Variants in ARHGAP18 observed in about 807,000 individuals in gnomAD.
The protein encoded by ARHGAP18 is rho GTPase-activating protein 18.
In ARHGAP18, 67 loss-of-function variants were observed where a neutral mutation model predicts 86.2. That is an observed-to-expected ratio of 0.78 (90% confidence interval 0.64 to 0.95). ARHGAP18 has a LOEUF of 0.95. ARHGAP18 is among the 40% of genes least tolerant of loss of function. The probability of loss-of-function intolerance (pLI) is 0.00; values close to 1 mark genes in which losing one functional copy is unlikely to be tolerated. For synonymous variants in ARHGAP18, 283 were observed against 280.4 expected (o/e 1.01, Z -0.09); for missense variants, 691 against 780.4 (o/e 0.89, Z 1.37).
At chr6:129,645,827 C>T (rs1185124302) in intron 1 of ARHGAP18, among the ~76,000 whole-genome samples, 1 of 152,136 alleles carries the variant, frequency 6.6e-6, no homozygotes, top group Non-Finnish European at 1.5e-5. Flanking sequence ...ATGGGCCTTC[C>T]TGGAATCTTC....
intron 7 of ARHGAP18, among the ~76,000 whole-genome samples, chr6:129,612,048 G>C (rs901498764): frequency 6.6e-6 from 1 of 152,144 alleles, no homozygotes; most frequent in Non-Finnish European, 1.5e-5. Context: ...GCAGAAAAAA[G>C]ACTGTTTGCA....
intron 12 of ARHGAP18, among the ~76,000 whole-genome samples, chr6:129,586,851 G>A (rs75913649): frequency 0.024 from 3,585 of 151,996 alleles, 75 homozygotes; most frequent in African/African-American, 0.051. Flanking sequence ...CTTTGTGTAC[G>A]TTCTACTCCC....
chr6:129,652,398 A>C (rs1773734166), intron 1 of ARHGAP18, among the ~76,000 whole-genome samples: 1 of 152,182 alleles, frequency 6.6e-6, no homozygotes, highest in Admixed American at 6.5e-5. Flanking sequence ...TCACCTTTTC[A>C]GTTTCAAAGC....
At chr6:129,625,607 T>TA (rs374778376) in intron 5 of ARHGAP18, among the ~76,000 whole-genome samples, 1 of 39,360 alleles carries the variant, frequency 2.5e-5, no homozygotes, top group Admixed American at 4.8e-4. Context: ...ATATTATATA[T>TA]TATTATATAT....
intron 7 of ARHGAP18, among the ~76,000 whole-genome samples, chr6:129,612,297 A>T (rs1788996334): frequency 6.6e-6 from 1 of 152,176 alleles, no homozygotes; most frequent in Admixed American, 6.5e-5. Flanking sequence ...TGATAACGTG[A>T]TCTTCTTGGA....
intron 1 of ARHGAP18, among the ~76,000 whole-genome samples, chr6:129,702,055 A>G (rs774864902): frequency 6.6e-6 from 1 of 152,222 alleles, no homozygotes; most frequent in South Asian, 2.1e-4. Flanking sequence ...CTCATTTCCC[A>G]TAAGGAAACC....
At chr6:129,609,232 G>T (rs557593234) in intron 8 of ARHGAP18, among the ~76,000 whole-genome samples, 3 of 152,010 alleles carry the variant, frequency 2.0e-5, no homozygotes, top group Non-Finnish European at 4.4e-5. Context: ...GGGCCAGGGG[G>T]AAAAGAGACA....
chr6:129,583,879 C>T, intron 13 of ARHGAP18, 109 bp downstream of exon 13: 1 of 1,399,406 alleles, frequency 7.1e-7, no homozygotes, highest in East Asian at 2.4e-5. Context: ...CATACTACCC[C>T]ACAATTAAAA....
Position 129,584,386 on chromosome 6 carries a change from G to T in ARHGAP18, c.1714-274C>A, listed in dbSNP as rs1299022340. 2.0e-5 allele frequency among the ~76,000 whole-genome samples: 3 copies of T among 152,158 alleles called. No individual in the cohort carries two copies. In the East Asian group the frequency reaches 5.8e-4, roughly 29 times the overall value. On this transcript the variant is annotated intron_variant, in intron 12 of 14. Transcript: ENST00000368149. ...AATAACCATTACTGCCATATTAAGT[G>T]CTGATTTCTGAGTATTATCTACTAG...
intron 1 of ARHGAP18, among the ~76,000 whole-genome samples, chr6:129,651,600 A>G (rs1278406475): frequency 6.6e-6 from 1 of 151,852 alleles, no homozygotes; most frequent in Admixed American, 6.6e-5. Context: ...GGCCCAGACA[A>G]CTCTTTCCAG....
intron 5 of ARHGAP18, among the ~76,000 whole-genome samples, chr6:129,622,190 T>TG (rs1396404171): frequency 6.6e-6 from 1 of 152,166 alleles, no homozygotes; most frequent in African/African-American, 2.4e-5. Context: ...GGAGGGCCAT[T>TG]GGCTTCGTGT....
intron 5 of ARHGAP18, among the ~76,000 whole-genome samples, chr6:129,620,177 A>G (rs549587088): frequency 2.0e-5 from 3 of 152,160 alleles, no homozygotes; most frequent in Non-Finnish European, 4.4e-5. Context: ...CCCAAGTCTA[A>G]ACACAAAATT....
Position 129,618,644 on chromosome 6 carries a change from C to T in ARHGAP18, c.952+43G>A, listed in dbSNP as rs756636500. 2.0e-5 allele frequency: 30 copies of T among 1,532,128 alleles called. No homozygotes were observed. The Admixed American group carries it at 3.5e-4, about 18-fold the overall frequency. The allele number at this position is 1,532,128 out of a possible 1,614,324, so 94.9% of individuals were successfully genotyped here. ...TGCAAAAAAGCCAAGTCCATCCTTGCTATTTTAGAAATAAATCCAAGGGTT... is the reference window on the plus strand; with the variant it reads ...TGCAAAAAAGCCAAGTCCATCCTTGTTATTTTAGAAATAAATCCAAGGGTT... On this transcript the variant is annotated intron_variant, in intron 6 of 14. Transcript: ENST00000368149.
chr6:129,688,604 C>T (rs533496415), intron 1 of ARHGAP18, among the ~76,000 whole-genome samples: 3 of 152,074 alleles, frequency 2.0e-5, no homozygotes, highest in Admixed American at 6.5e-5. Flanking sequence ...ACCAGCCTGA[C>T]CAACATGGTG....
intron 1 of ARHGAP18, among the ~76,000 whole-genome samples, chr6:129,686,978 C>CTTTTTTTTTTTTTTTTTTTTTTTTTT (rs71028176): frequency 9.4e-6 from 1 of 106,940 alleles, no homozygotes. Context: ...TTTTTTTTTT[C>CTTTTTTTTTTTTTTTTTTTTTTTTTT]TTTTTTTTTT....
intron 1 of ARHGAP18, among the ~76,000 whole-genome samples, chr6:129,703,067 C>A (rs2114557565): frequency 6.6e-6 from 1 of 152,186 alleles, no homozygotes; most frequent in South Asian, 2.1e-4. Flanking sequence ...ATGGACCTCA[C>A]AGATTCATGA....
chr6:129,585,517 T>C (rs1788379556), intron 12 of ARHGAP18, among the ~76,000 whole-genome samples: 1 of 151,904 alleles, frequency 6.6e-6, no homozygotes, highest in African/African-American at 2.4e-5. Context: ...GTACAGTGAG[T>C]ATGGGATTGT....
chr6:129,629,414 T>C lies in ARHGAP18; in HGVS notation c.725A>G (p.Asn242Ser), dbSNP rs558829279. 1.3e-5 allele frequency: 21 copies of C among 1,613,856 alleles called. No homozygotes were observed. The highest frequency in any genetic ancestry group is 1.6e-4 in the Middle Eastern group (1 of 6,068). The change falls in exon 5 of 15, where the codon AAT (asparagine) becomes AGT (serine). Residue 242 changes from asparagine (N) to serine (S), a missense_variant. Coordinates refer to ENST00000368149, the MANE Select transcript of ARHGAP18 (RefSeq NM_033515.3). ...LEVSFAEQALNQKESSKEKIQ... is the reference protein window; with the variant it reads ...LEVSFAEQALSQKESSKEKIQ... ...TTTCTCCTTGGAGCTCTCTTTCTGA[T>C]TGAGTGCTTGCTCGGCAAATGATAC...
intron 7 of ARHGAP18, among the ~76,000 whole-genome samples, chr6:129,613,409 T>C (rs1789024962): frequency 6.6e-6 from 1 of 152,296 alleles, no homozygotes; most frequent in Middle Eastern, 3.4e-3. Flanking sequence ...ATTCAATGTA[T>C]AGCCAATTTT....
Sources: allele counts gnomAD v4.1 joint callset (sites outside exome capture counted in the v4.1 genomes callset), GRCh38; gene constraint gnomAD v4.1.1; transcripts MANE v1.5; gene names NCBI Gene and HGNC (gene_info 2026-07-23, HGNC 2026-07-21).